Variants in PCSK5 observed in about 807,000 individuals in gnomAD.
The protein encoded by PCSK5 is prohormone convertase 5.
Under a neutral mutation model 233.2 loss-of-function variants are expected in PCSK5, and 129 were observed. The ratio of observed to expected loss-of-function variants is 0.55; its 90% confidence interval spans 0.48 to 0.64. The LOEUF (loss-of-function observed/expected upper bound fraction) is 0.64. Ranked by LOEUF, PCSK5 falls within the 30% of genes least tolerant of loss-of-function variation. The pLI is 0.00. For missense variants in PCSK5, 2,076 were observed against 2,430.1 expected (o/e 0.85, Z 3.06); for synonymous variants, 825 against 879.2 (o/e 0.94, Z 1.09).
intron 3 of PCSK5, among the ~76,000 whole-genome samples, chr9:75,999,331 G>GAC (rs545078293): frequency 0.012 from 1,821 of 151,804 alleles, 24 homozygotes; most frequent in South Asian, 0.054. Context: ...AGGAATTAAA[G>GAC]ACACACACAC....
chr9:76,284,202 A>G (rs1430874276), intron 24 of PCSK5, among the ~76,000 whole-genome samples: 2 of 151,998 alleles, frequency 1.3e-5, no homozygotes, highest in African/African-American at 4.8e-5. Context: ...CATCTCTTTA[A>G]TGTATGTGAA....
chr9:76,044,973 A>G (rs1829315227), intron 5 of PCSK5, among the ~76,000 whole-genome samples: 1 of 152,194 alleles, frequency 6.6e-6, no homozygotes, highest in Non-Finnish European at 1.5e-5. Flanking sequence ...TACTCCTCCA[A>G]ATCTTCTCGC....
intron 24 of PCSK5, among the ~76,000 whole-genome samples, chr9:76,267,457 CTT>C (rs1827369487): frequency 6.6e-6 from 1 of 152,172 alleles, no homozygotes; most frequent in Admixed American, 6.5e-5. Flanking sequence ...CAAAATCCCT[CTT>C]GTCTTCAGAC....
chr9:76,119,212 T>A (rs1375220649), intron 9 of PCSK5, among the ~76,000 whole-genome samples: 1 of 152,132 alleles, frequency 6.6e-6, no homozygotes, highest in Non-Finnish European at 1.5e-5. Context: ...CCTAATACTC[T>A]TTCATGTTCA....
chr9:76,020,579 C>G (rs529166794), intron 3 of PCSK5, among the ~76,000 whole-genome samples: 1 of 152,140 alleles, frequency 6.6e-6, no homozygotes, highest in Non-Finnish European at 1.5e-5. Flanking sequence ...TTGGATATTT[C>G]TTCTTTTTCA....
At chr9:75,995,982 G>C (rs1398337920) in intron 3 of PCSK5, among the ~76,000 whole-genome samples, 1 of 151,894 alleles carries the variant, frequency 6.6e-6, no homozygotes, top group Non-Finnish European at 1.5e-5. Context: ...TCATTTCCTT[G>C]ATGAGTTTAG....
chr9:76,096,579 A>C (rs1166192012), intron 8 of PCSK5, among the ~76,000 whole-genome samples: 1 of 151,932 alleles, frequency 6.6e-6, no homozygotes, highest in East Asian at 1.9e-4. Context: ...ACATGAACTA[A>C]ACCTCTGTAA....
chr9:76,051,727 A>T (rs1326849049), intron 5 of PCSK5, among the ~76,000 whole-genome samples: 2 of 152,208 alleles, frequency 1.3e-5, no homozygotes, highest in Non-Finnish European at 2.9e-5. Context: ...CCTAAAGTGA[A>T]TCAGCAAGAA....
At chr9:76,054,961 C>T (rs1265895097) in intron 5 of PCSK5, among the ~76,000 whole-genome samples, 1 of 152,102 alleles carries the variant, frequency 6.6e-6, no homozygotes, top group African/African-American at 2.4e-5. Flanking sequence ...CAATAGTGAT[C>T]TATTATTACT....
Position 76,332,529 on chromosome 9 carries a change from G to A in PCSK5, c.4667G>A (p.Gly1556Glu). The A allele has an allele frequency of 1.9e-6, 3 of 1,612,726 alleles. No individual in the cohort carries two copies. Among genetic ancestry groups the A allele is most frequent in the Non-Finnish European group, 2.5e-6 (3 of 1,179,784 alleles). ...HCHSSCRTCE[G>E]RHSRQCHSCR... Reference sequence around the variant, plus strand: ...CACAGCTCTTGCAGGACATGTGAAGGGAGACACAGCAGGCAGTGCCACTCC... The same window carrying A: ...CACAGCTCTTGCAGGACATGTGAAGAGAGACACAGCAGGCAGTGCCACTCC... The change falls in exon 34 of 38, where the codon GGG (glycine) becomes GAG (glutamate). Residue 1556 changes from glycine to glutamate, a missense_variant. Physicochemically the swap from Gly to Glu is moderately conservative, Grantham distance 98 (BLOSUM62 -2). Transcript: ENST00000674117.
chr9:76,273,769 A>T (rs894599065), intron 24 of PCSK5, among the ~76,000 whole-genome samples: 6 of 150,362 alleles, frequency 4.0e-5, no homozygotes, highest in Non-Finnish European at 7.4e-5. Context: ...AGTAGCTGGG[A>T]TTACAGGTGC....
chr9:75,983,739 A>C (rs1288743100), intron 2 of PCSK5, among the ~76,000 whole-genome samples: 4 of 152,220 alleles, frequency 2.6e-5, no homozygotes, highest in Admixed American at 6.5e-5. Context: ...TGAATTTTTA[A>C]GTGTCTTTTC....
chr9:76,212,884 C>T (rs1264584146), intron 20 of PCSK5, among the ~76,000 whole-genome samples: 2 of 152,206 alleles, frequency 1.3e-5, no homozygotes, highest in African/African-American at 4.8e-5. Context: ...CACCACACAG[C>T]TAGAAAGTGG....
intron 24 of PCSK5, among the ~76,000 whole-genome samples, chr9:76,257,618 T>C (rs916918636): frequency 6.6e-6 from 1 of 152,140 alleles, no homozygotes; most frequent in African/African-American, 2.4e-5. Flanking sequence ...TCCAGCACAG[T>C]GGGCCAGCCG....
At chr9:76,180,087 G>GTGTGTATATA (rs543361179) in intron 15 of PCSK5, among the ~76,000 whole-genome samples, 3 of 132,598 alleles carry the variant, frequency 2.3e-5, no homozygotes, top group African/African-American at 8.7e-5. Flanking sequence ...GTGTGTGTGT[G>GTGTGTATATA]TATATATATA....
chr9:76,303,136 G>A (rs1298991559), intron 28 of PCSK5, among the ~76,000 whole-genome samples: 1 of 152,060 alleles, frequency 6.6e-6, no homozygotes, highest in Non-Finnish European at 1.5e-5. Flanking sequence ...TAATTGCTAA[G>A]TTAACTGCTT....
chr9:75,976,456 C>T (rs1230588092), intron 2 of PCSK5, among the ~76,000 whole-genome samples: 1 of 151,844 alleles, frequency 6.6e-6, no homozygotes. Context: ...AAACTTGTCC[C>T]AAAGAACAAA....
chr9:76,084,943 T>C (rs1210816547), intron 7 of PCSK5, among the ~76,000 whole-genome samples: 1 of 152,160 alleles, frequency 6.6e-6, no homozygotes, highest in Non-Finnish European at 1.5e-5. Context: ...TCAAACCTAA[T>C]ATTTAGCTGT....
intron 7 of PCSK5, among the ~76,000 whole-genome samples, chr9:76,073,720 CAT>C (rs5898448): frequency 0.44 from 66,753 of 151,400 alleles, 15,704 homozygotes; most frequent in African/African-American, 0.61. Context: ...CATGAATGCG[CAT>C]ATATATATAT....
Sources: allele counts gnomAD v4.1 joint callset (sites outside exome capture counted in the v4.1 genomes callset), GRCh38; gene constraint gnomAD v4.1.1; transcripts MANE v1.5; gene names NCBI Gene and HGNC (gene_info 2026-07-23, HGNC 2026-07-21).